The following MATN2 variants were observed in gnomAD, a reference collection of about 807,000 sequenced individuals.
MATN2 encodes the protein matrilin 2.
MATN2 carries 69 observed loss-of-function variants against 103.2 expected under a neutral mutation model. The observed-to-expected ratio is 0.67, with a 90% CI of 0.55 to 0.82. The LOEUF (loss-of-function observed/expected upper bound fraction) is 0.82, where lower values mean the gene tolerates loss of function less well. Ranked by LOEUF, MATN2 falls within the 40% of genes least tolerant of loss-of-function variation. The pLI, the probability that MATN2 is intolerant of heterozygous loss-of-function variation, is 0.00. For missense variants in MATN2, 1,023 were observed against 1,211.5 expected (o/e 0.84, Z 2.31); for synonymous variants, 429 against 450.2 (o/e 0.95, Z 0.60).
chr8:97,898,512 A>G (rs1296143348), intron 2 of MATN2, among the ~76,000 whole-genome samples: 2 of 151,532 alleles, frequency 1.3e-5, no homozygotes, highest in East Asian at 1.9e-4. Context: ...CAGGAAAATT[A>G]CTTGAACCTC....
intron 13 of MATN2, among the ~76,000 whole-genome samples, chr8:98,024,145 G>A (rs963111556): frequency 1.3e-5 from 2 of 152,124 alleles, no homozygotes; most frequent in African/African-American, 4.8e-5. Flanking sequence ...GCACACATTT[G>A]CCTATGTAAC....
At chr8:97,975,832 T>C (rs1239729574) in intron 5 of MATN2, among the ~76,000 whole-genome samples, 1 of 152,214 alleles carries the variant, frequency 6.6e-6, no homozygotes, top group Non-Finnish European at 1.5e-5. Context: ...CTGGACCGTG[T>C]GCCAGGGTTT....
At chr8:98,011,379 G>A (rs1205620163) in intron 10 of MATN2, among the ~76,000 whole-genome samples, 1 of 152,174 alleles carries the variant, frequency 6.6e-6, no homozygotes, top group Non-Finnish European at 1.5e-5. Flanking sequence ...CACATTACAG[G>A]CTTGATGCAA....
chr8:98,016,763 C>A, intron 11 of MATN2, 101 bp downstream of exon 11: 1 of 1,388,234 alleles, frequency 7.2e-7, no homozygotes, highest in Non-Finnish European at 1.0e-6. Flanking sequence ...GAAGTCAATG[C>A]CACACAGCAA....
intron 6 of MATN2, among the ~76,000 whole-genome samples, chr8:97,989,222 T>G (rs536715025): frequency 6.6e-6 from 1 of 152,004 alleles, no homozygotes; most frequent in Non-Finnish European, 1.5e-5. Flanking sequence ...GTAATCCCAG[T>G]ACTTTGGGAG....
intron 1 of MATN2, among the ~76,000 whole-genome samples, chr8:97,879,175 C>A (rs1164417031): frequency 6.6e-6 from 1 of 152,022 alleles, no homozygotes; most frequent in Non-Finnish European, 1.5e-5. Flanking sequence ...ATTAGAAAAC[C>A]GAGAGAATAT....
At chr8:98,009,210 A>G (rs1395337923) in intron 10 of MATN2, among the ~76,000 whole-genome samples, 1 of 152,190 alleles carries the variant, frequency 6.6e-6, no homozygotes, top group African/African-American at 2.4e-5. Flanking sequence ...GCTGATACAT[A>G]TGCATTGAGC....
intron 18 of MATN2, chr8:98,034,378 T>C (rs987039546): frequency 2.9e-6 from 1 of 341,592 alleles, no homozygotes; most frequent in Admixed American, 3.7e-5. Context: ...CTGGCTGATA[T>C]CTCAAGTGCA....
rs1813850186 is a variant in MATN2 at position 98,027,470 on chromosome 8, T to C, written c.1997T>C (p.Leu666Pro). The stretch of plus-strand genomic sequence containing the variant: ...TTTGTGATCGATGGATCCAAGAGTC[T>C]TGGAGAAGAGAATTTTGAGGTCGTG... ...LVFVIDGSKS[L>P]GEENFEVVKQ... is the part of the protein sequence containing the mutation. Residue 666 changes from leucine to proline, a missense_variant, in exon 14 of 19, where the codon CTT becomes CCT. Transcript: ENST00000254898. 6.2e-7 allele frequency: 1 copy of C among 1,613,778 alleles called. No individual in the cohort carries two copies. The highest frequency in any genetic ancestry group is 1.3e-5 in the African/African-American group (1 of 74,918).
At chr8:98,025,671 G>C (rs1357385620) in intron 13 of MATN2, 4 of 365,476 alleles carry the variant, frequency 1.1e-5, no homozygotes, top group African/African-American at 6.7e-5. Context: ...GCTTGAACCT[G>C]GGAGGCAGAA....
At chr8:98,014,964 G>T (rs1276273498) in intron 10 of MATN2, among the ~76,000 whole-genome samples, 1 of 152,096 alleles carries the variant, frequency 6.6e-6, no homozygotes, top group Admixed American at 6.6e-5. Flanking sequence ...AATATGTAGG[G>T]TTCTTATAAA....
chr8:97,947,115 C>T (rs1408435172), intron 4 of MATN2, among the ~76,000 whole-genome samples: 1 of 152,080 alleles, frequency 6.6e-6, no homozygotes, highest in South Asian at 2.1e-4. Context: ...CTCATGCCTG[C>T]AATCCTAGCA....
chr8:98,007,799 T>G lies in MATN2; in HGVS notation c.1573+198T>G, dbSNP rs1214165887. 6.6e-6 allele frequency among the ~76,000 whole-genome samples: 1 copy of G among 152,200 alleles called. No homozygotes were observed. Among genetic ancestry groups the G allele is most frequent in the Non-Finnish European group, 1.5e-5 (1 of 68,034 alleles). On this transcript the variant is annotated intron_variant, in intron 10 of 18. Transcript: ENST00000254898. The surrounding 1 kb of genome is among the most constrained non-coding windows in gnomAD (Gnocchi z 4.2). ...ACTCCCCTCAATCTTCCTTCCCCCG[T>G]GCCCTGAAGTGGCTTTTTGCTGTTT...
intron 2 of MATN2, among the ~76,000 whole-genome samples, chr8:97,912,617 T>C (rs1378902475): frequency 1.3e-5 from 2 of 152,124 alleles, no homozygotes; most frequent in African/African-American, 4.8e-5. Flanking sequence ...GGGGAGTCTC[T>C]GCAGAAGATG....
At chr8:97,921,167 C>T (rs1253258651) in intron 2 of MATN2, among the ~76,000 whole-genome samples, 1 of 152,206 alleles carries the variant, frequency 6.6e-6, no homozygotes, top group Non-Finnish European at 1.5e-5. Context: ...CAGTTCCTCC[C>T]AGCATCGTAT....
At chr8:97,958,047 A>G (rs1419800457) in intron 4 of MATN2, among the ~76,000 whole-genome samples, 1 of 152,210 alleles carries the variant, frequency 6.6e-6, no homozygotes, top group East Asian at 1.9e-4. Flanking sequence ...AGCCTTTTAG[A>G]AAAAAAGATT....
At chr8:97,950,474 C>T (rs368249652) in intron 4 of MATN2, among the ~76,000 whole-genome samples, 1 of 152,052 alleles carries the variant, frequency 6.6e-6, no homozygotes, top group Non-Finnish European at 1.5e-5. Flanking sequence ...TTCACTCATC[C>T]GCTCATTCAT....
At chr8:97,933,170 T>A (rs1229442957) in intron 3 of MATN2, among the ~76,000 whole-genome samples, 1 of 152,262 alleles carries the variant, frequency 6.6e-6, no homozygotes, top group African/African-American at 2.4e-5. Context: ...AAAGAACCTT[T>A]TTCCTTGCCA....
intron 5 of MATN2, among the ~76,000 whole-genome samples, chr8:97,978,137 T>C (rs577754145): frequency 6.6e-6 from 1 of 152,360 alleles, no homozygotes; most frequent in South Asian, 2.1e-4. Flanking sequence ...TTCTTACTTG[T>C]TCTATCCCTA....
Sources: gnomAD v4.1 joint callset for allele counts (sites outside exome capture counted in the v4.1 genomes callset) on GRCh38, gnomAD v4.1.1 for gene constraint, Gnocchi (gnomAD v3.1) non-coding constraint, MANE v1.5 for transcripts, NCBI Gene and HGNC (gene_info 2026-07-23, HGNC 2026-07-21) for gene names.